Variants in EYS observed in about 807,000 individuals in gnomAD.
The protein encoded by EYS is protein eyes shut homolog.
Under a neutral mutation model 282.1 loss-of-function variants are expected in EYS, and 250 were observed. The ratio of observed to expected loss-of-function variants is 0.89; its 90% CI spans 0.80 to 0.98. The LOEUF is 0.98. EYS is among the 50% of genes least tolerant of loss of function. The pLI is 0.00. For synonymous variants in EYS, 1,355 were observed against 1,282.9 expected (o/e 1.06, Z -1.20); for missense variants, 4,016 against 3,709.0 (o/e 1.08, Z -2.15).
chr6:64,092,007 T>G (rs746980994), intron 31 of EYS, among the ~76,000 whole-genome samples: 6 of 152,164 alleles, frequency 3.9e-5, no homozygotes, highest in Non-Finnish European at 8.8e-5. Flanking sequence ...AGTGTTTGGT[T>G]TTTCTGTCCT....
intron 33 of EYS, among the ~76,000 whole-genome samples, chr6:64,013,988 T>C (rs1485319343): frequency 6.6e-6 from 1 of 152,140 alleles, no homozygotes; most frequent in Non-Finnish European, 1.5e-5. Flanking sequence ...CCAGTACTTA[T>C]TATGTACTCA....
intron 36 of EYS, among the ~76,000 whole-genome samples, chr6:63,836,474 T>A (rs1354303438): frequency 1.3e-5 from 2 of 151,918 alleles, no homozygotes; most frequent in South Asian, 2.1e-4. Context: ...TTAAAAAAAA[T>A]TCAATATTAG....
chr6:64,419,422 C>A (rs1774157762), intron 28 of EYS, among the ~76,000 whole-genome samples: 1 of 152,134 alleles, frequency 6.6e-6, no homozygotes, highest in South Asian at 2.1e-4. Flanking sequence ...TTTCAAAACT[C>A]AATTATGCCT....
rs1456202029 is a variant in EYS, at chr6:65,125,622, G to A, written c.2024-67895C>T. ...AAAGAATCCGACCAAAATTTTTGAT[G>A]TTTGATGGCTTACAGCTTCTACATC... On this transcript the variant is annotated intron_variant, in intron 12 of 42. Coordinates refer to ENST00000503581, the MANE Select transcript of EYS (RefSeq NM_001142800.2). Among the ~76,000 whole-genome samples the A allele has an allele frequency of 2.0e-5, 3 of 152,088 alleles. No individual in the cohort carries two copies. The East Asian group carries it at 5.8e-4, about 29-fold the overall frequency.
chr6:64,311,545 A>G (rs1000472397), intron 29 of EYS, among the ~76,000 whole-genome samples: 4 of 152,224 alleles, frequency 2.6e-5, no homozygotes, highest in African/African-American at 9.7e-5. Flanking sequence ...CATGGTACTA[A>G]GCATTAATAA....
At chr6:64,899,670 C>T (rs1767589168) in intron 18 of EYS, among the ~76,000 whole-genome samples, 2 of 152,030 alleles carry the variant, frequency 1.3e-5, no homozygotes, top group African/African-American at 2.4e-5. Context: ...ATACAACTTA[C>T]AAGTGATTGA....
intron 26 of EYS, among the ~76,000 whole-genome samples, chr6:64,489,656 C>A (rs1233147972): frequency 6.7e-6 from 1 of 149,346 alleles, no homozygotes; most frequent in East Asian, 2.0e-4. Context: ...GTTTTAGGTA[C>A]TTGTTAATGC....
intron 5 of EYS, among the ~76,000 whole-genome samples, chr6:65,475,682 T>C (rs1442667517): frequency 6.6e-6 from 1 of 151,942 alleles, no homozygotes; most frequent in African/African-American, 2.4e-5. Flanking sequence ...ATCTGACATA[T>C]GTTGTTTACC....
chr6:64,531,544 G>A (rs932414387), intron 26 of EYS, among the ~76,000 whole-genome samples: 2 of 101,878 alleles, frequency 2.0e-5, no homozygotes, highest in African/African-American at 2.9e-5. Flanking sequence ...CCGCCACCAC[G>A]CCTGGTTTAT....
chr6:64,890,553 G>T (rs555115919), intron 18 of EYS, among the ~76,000 whole-genome samples: 5 of 152,092 alleles, frequency 3.3e-5, no homozygotes, highest in East Asian at 1.9e-4. Context: ...ATCAGGGCAG[G>T]TTCCCCGATA....
chr6:63,817,617 T>C (rs1341298616), intron 36 of EYS, among the ~76,000 whole-genome samples: 1 of 152,162 alleles, frequency 6.6e-6, no homozygotes, highest in Admixed American at 6.5e-5. Context: ...GAAATGCATC[T>C]CAGAGCTAAC....
intron 29 of EYS, among the ~76,000 whole-genome samples, chr6:64,371,510 T>C (rs1772371687): frequency 6.6e-6 from 1 of 152,130 alleles, no homozygotes; most frequent in African/African-American, 2.4e-5. Flanking sequence ...AGGAGAGTTC[T>C]ATAGTATGTT....
intron 2 of EYS, among the ~76,000 whole-genome samples, chr6:65,555,568 A>C (rs981591447): frequency 2.0e-5 from 3 of 152,268 alleles, no homozygotes; most frequent in African/African-American, 7.2e-5. Flanking sequence ...AAACATTCAT[A>C]TTGTAATTTA....
In EYS at chr6:63,721,166, T is replaced by C. The variant is rs1358933998; in HGVS notation, c.8865A>G (p.Ser2955=). The change falls in exon 43 of 43, where the codon TCA becomes TCG. Residue 2955 remains serine (S), a synonymous_variant. Coordinates refer to ENST00000503581, the MANE Select transcript of EYS (RefSeq NM_001142800.2). ...GRYCENKTSF[S]TAKFMGNSYI... is the part of the protein sequence containing the mutation. The stretch of plus-strand genomic sequence containing the variant: ...AAGAATTACCCATAAATTTTGCAGT[T>C]GAAAATGAAGTTTTGTTTTCACAAT... 29 of 1,551,492 alleles carry C rather than the reference T, an allele frequency of 1.9e-5. No individual in the cohort carries two copies. Among genetic ancestry groups the C allele is most frequent in the Non-Finnish European group, 2.4e-5 (28 of 1,146,904 alleles).
intron 2 of EYS, among the ~76,000 whole-genome samples, chr6:65,515,389 C>T (rs1767085503): frequency 2.6e-5 from 4 of 152,218 alleles, no homozygotes; most frequent in African/African-American, 7.2e-5. Flanking sequence ...GTGGTGATAC[C>T]TCAGGGATCT....
intron 22 of EYS, among the ~76,000 whole-genome samples, chr6:64,632,627 T>C (rs898345064): frequency 6.6e-6 from 1 of 152,258 alleles, no homozygotes; most frequent in Admixed American, 6.5e-5. Context: ...ATCCTTCAGA[T>C]GAATGGCCAT....
chr6:65,375,484 C>T (rs1181499507), intron 8 of EYS, among the ~76,000 whole-genome samples: 4 of 152,062 alleles, frequency 2.6e-5, no homozygotes, highest in Admixed American at 1.3e-4. Context: ...TTCTTCTCCT[C>T]CAAATGATCA....
chr6:64,493,005 T>A (rs1335351584), intron 26 of EYS, among the ~76,000 whole-genome samples: 1 of 151,338 alleles, frequency 6.6e-6, no homozygotes, highest in Admixed American at 6.6e-5. Flanking sequence ...AAAATATGAA[T>A]AAACTAGAAT....
intron 16 of EYS, among the ~76,000 whole-genome samples, chr6:64,904,525 A>G (rs1168622526): frequency 6.6e-6 from 1 of 152,270 alleles, no homozygotes; most frequent in East Asian, 1.9e-4. Context: ...TTTTCAAAAG[A>G]TGTTTAATTC....
Sources: gnomAD v4.1 joint callset for allele counts (sites outside exome capture counted in the v4.1 genomes callset) on GRCh38, gnomAD v4.1.1 for gene constraint, MANE v1.5 for transcripts, NCBI Gene and HGNC (gene_info 2026-07-23, HGNC 2026-07-21) for gene names.